The following CTNNA2 variants were observed in gnomAD, a reference collection of about 807,000 sequenced individuals.
CTNNA2 encodes catenin alpha 2.
A neutral mutation model predicts 101.0 loss-of-function variants in CTNNA2; 42 were observed. The observed-to-expected ratio is 0.42, with a 90% CI of 0.32 to 0.54. The LOEUF is 0.54. Among genes scored for constraint, CTNNA2 ranks in the 20% least tolerant of loss-of-function variants. CTNNA2 has a pLI of 0.14. For synonymous variants in CTNNA2, 450 were observed against 456.4 expected (o/e 0.99, Z 0.18); for missense variants, 871 against 1,223.1 (o/e 0.71, Z 4.29).
intron 7 of CTNNA2, among the ~76,000 whole-genome samples, chr2:80,028,991 G>A (rs1356478607): frequency 6.6e-6 from 1 of 152,190 alleles, no homozygotes; most frequent in Non-Finnish European, 1.5e-5. Context: ...TAGGTAATTT[G>A]TCATAGCCAC....
chr2:80,138,428 T>C (rs1702815917), intron 7 of CTNNA2, among the ~76,000 whole-genome samples: 1 of 152,184 alleles, frequency 6.6e-6, no homozygotes, highest in Non-Finnish European at 1.5e-5. Flanking sequence ...ACCTGCCTCA[T>C]CAAATTGTTA....
chr2:80,435,948 C>T (rs1681986600), intron 9 of CTNNA2, among the ~76,000 whole-genome samples: 1 of 152,158 alleles, frequency 6.6e-6, no homozygotes, highest in African/African-American at 2.4e-5. Flanking sequence ...ATACATTGAG[C>T]CAGGAATTTC....
intron 7 of CTNNA2, among the ~76,000 whole-genome samples, chr2:80,150,625 A>C (rs2148927173): frequency 6.6e-6 from 1 of 152,304 alleles, no homozygotes; most frequent in East Asian, 1.9e-4. Context: ...AAGGGCTTAC[A>C]GTCTCTCAGG....
chr2:79,612,698 T>G (rs929211567), intron 1 of CTNNA2, among the ~76,000 whole-genome samples: 4 of 152,156 alleles, frequency 2.6e-5, no homozygotes, highest in Non-Finnish European at 5.9e-5. Context: ...AAAGCATTTG[T>G]ATGACTTGAT....
intron 4 of CTNNA2, among the ~76,000 whole-genome samples, chr2:79,859,844 C>T (rs1167590454): frequency 6.6e-6 from 1 of 152,118 alleles, no homozygotes; most frequent in Non-Finnish European, 1.5e-5. Flanking sequence ...TGCCATCTGT[C>T]TGGTAACCTA....
intron 9 of CTNNA2, among the ~76,000 whole-genome samples, chr2:80,477,482 TAG>T (rs1354429114): frequency 3.3e-5 from 5 of 152,082 alleles, no homozygotes; most frequent in African/African-American, 1.2e-4. Flanking sequence ...TTGTACCCAC[TAG>T]GTAATTTTTC....
intron 1 of CTNNA2, among the ~76,000 whole-genome samples, chr2:79,588,524 A>G (rs1172184040): frequency 6.6e-6 from 1 of 152,212 alleles, no homozygotes; most frequent in Non-Finnish European, 1.5e-5. Flanking sequence ...TTATAACTAA[A>G]TGATATCTTT....
At chr2:79,195,921 G>A in intron 1 of CTNNA2, 1 of 458,574 alleles carries the variant, frequency 2.2e-6, no homozygotes, top group Middle Eastern at 3.4e-4. Context: ...GGAAAGTAGG[G>A]GGATGAACTC....
At chr2:80,111,352 G>A (rs921205086) in intron 7 of CTNNA2, among the ~76,000 whole-genome samples, 2 of 152,206 alleles carry the variant, frequency 1.3e-5, no homozygotes, top group African/African-American at 2.4e-5. Flanking sequence ...ATGACTACAT[G>A]AGAAATTGGT....
chr2:79,812,329 G>A (rs1373659361), intron 3 of CTNNA2, among the ~76,000 whole-genome samples: 3 of 152,158 alleles, frequency 2.0e-5, no homozygotes, highest in Non-Finnish European at 2.9e-5. Flanking sequence ...TAGAGAGACA[G>A]CATTCAGTCT....
chr2:80,098,777 G>T (rs1202344832), intron 7 of CTNNA2, among the ~76,000 whole-genome samples: 2 of 152,212 alleles, frequency 1.3e-5, no homozygotes, highest in African/African-American at 4.8e-5. Context: ...CAATGAGGGA[G>T]GCTTCGTGGG....
chr2:79,268,599 G>A (rs1675018927), intron 2 of CTNNA2, among the ~76,000 whole-genome samples: 1 of 152,084 alleles, frequency 6.6e-6, no homozygotes, highest in African/African-American at 2.4e-5. Flanking sequence ...CTTGTGATTG[G>A]CGTCTGAAGC....
At chr2:80,460,751 T>A (rs905248963) in intron 9 of CTNNA2, among the ~76,000 whole-genome samples, 1 of 152,172 alleles carries the variant, frequency 6.6e-6, no homozygotes, top group East Asian at 1.9e-4. Flanking sequence ...ATTTAAAATA[T>A]CTTGTACATT....
At chr2:80,363,252 GA>G (rs35470767) in intron 7 of CTNNA2, among the ~76,000 whole-genome samples, 28 of 150,456 alleles carry the variant, frequency 1.9e-4, no homozygotes, top group Middle Eastern at 3.4e-3. Flanking sequence ...AAAACATGAA[GA>G]AAAAAAAATG....
chr2:79,558,980 T>C (rs1018039722), intron 1 of CTNNA2, among the ~76,000 whole-genome samples: 5 of 151,822 alleles, frequency 3.3e-5, no homozygotes, highest in African/African-American at 1.2e-4. Context: ...CTTTCTCTCT[T>C]CCCATCTTTA....
At chr2:80,047,184 C>T (rs1376912788) in intron 7 of CTNNA2, among the ~76,000 whole-genome samples, 1 of 152,148 alleles carries the variant, frequency 6.6e-6, no homozygotes. Flanking sequence ...CAATTTAATT[C>T]TGCAGGCTTA....
chr2:79,967,106 A>G (rs1452116895), intron 7 of CTNNA2, among the ~76,000 whole-genome samples: 1 of 75,754 alleles, frequency 1.3e-5, no homozygotes, highest in Non-Finnish European at 2.7e-5. Context: ...GCGTGCACAC[A>G]CGCGCACGCA....
At chr2:80,231,213 C>G (rs1332153618) in intron 7 of CTNNA2, among the ~76,000 whole-genome samples, 2 of 152,024 alleles carry the variant, frequency 1.3e-5, no homozygotes, top group African/African-American at 4.8e-5. Flanking sequence ...GTCTGAAGTC[C>G]TGACCTCAGG....
chr2:80,441,392 G>A (rs1475870775), intron 9 of CTNNA2, among the ~76,000 whole-genome samples: 1 of 152,166 alleles, frequency 6.6e-6, no homozygotes, highest in Non-Finnish European at 1.5e-5. Flanking sequence ...GCAACGATTT[G>A]AAGTTGAAGA....
Sources: gnomAD v4.1 joint callset for allele counts (sites outside exome capture counted in the v4.1 genomes callset) on GRCh38, gnomAD v4.1.1 for gene constraint, MANE v1.5 for transcripts, NCBI Gene and HGNC (gene_info 2026-07-23, HGNC 2026-07-21) for gene names.